CACNB2: variants seen among roughly 807,000 people sequenced by gnomAD.
The protein encoded by CACNB2 is calcium voltage-gated channel auxiliary subunit beta 2.
CACNB2 carries 42 observed loss-of-function variants against 73.3 expected under a neutral mutation model. That is an observed-to-expected ratio of 0.57 (90% CI 0.45 to 0.74). CACNB2 has a LOEUF of 0.74. CACNB2 is among the 30% of genes least tolerant of loss of function. The pLI is 0.00. For synonymous variants in CACNB2, 348 were observed against 310.3 expected, an observed-to-expected ratio of 1.12 and a Z score of -1.28; for missense variants, 940 against 853.0, an observed-to-expected ratio of 1.10 and a Z score of -1.27.
rs554291392 is a variant in CACNB2, at chr10:18,317,513, G to T, written c.214-84411G>T. Among the ~76,000 whole-genome samples the T allele has an allele frequency of 2.0e-5, 3 of 152,228 alleles. No individual in the cohort carries two copies. In the South Asian group the frequency reaches 6.2e-4, roughly 32 times the overall value. On this transcript the variant is annotated intron_variant, in intron 2 of 13. Transcript: ENST00000324631. ...TGATTTTCTGTTACTGTATTAATTTGCCTAGGTTCTTGGCCTCTAGCTGCA... is the reference window on the plus strand; with the variant it reads ...TGATTTTCTGTTACTGTATTAATTTTCCTAGGTTCTTGGCCTCTAGCTGCA...
intron 2 of CACNB2, among the ~76,000 whole-genome samples, chr10:18,344,388 T>A (rs78138947): frequency 2.8e-4 from 41 of 148,426 alleles, no homozygotes; most frequent in East Asian, 1.4e-3. Context: ...TTTTTTTTTT[T>A]AAACAGAGTC....
intron 4 of CACNB2, chr10:18,498,863 A>T: frequency 4.3e-6 from 1 of 231,558 alleles, no homozygotes; most frequent in Non-Finnish European, 8.6e-6. Flanking sequence ...AGAATTCATG[A>T]CTCTTCTCTC....
chr10:18,349,833 A>T (rs1483417577), intron 2 of CACNB2, among the ~76,000 whole-genome samples: 1 of 152,192 alleles, frequency 6.6e-6, no homozygotes, highest in Non-Finnish European at 1.5e-5. Context: ...CAAATGGTAA[A>T]TCCTATGTTA....
intron 2 of CACNB2, among the ~76,000 whole-genome samples, chr10:18,214,405 C>T (rs2035432329): frequency 1.3e-5 from 1 of 74,172 alleles, no homozygotes; most frequent in South Asian, 5.0e-4. Context: ...GCAGGAGTAT[C>T]ACTTGAGGTC....
chr10:18,376,985 T>A (rs966623387), intron 2 of CACNB2, among the ~76,000 whole-genome samples: 4 of 152,212 alleles, frequency 2.6e-5, no homozygotes, highest in Non-Finnish European at 4.4e-5. Flanking sequence ...TTGTAAATTT[T>A]AAAATAACTA....
Position 18,500,761 on chromosome 10 carries a change from G to C in CACNB2, c.457-51G>C, listed in dbSNP as rs193011563. 3 of 1,577,510 alleles carry C rather than the reference G, an allele frequency of 1.9e-6. No individual in the cohort carries two copies. In the Admixed American group the frequency reaches 5.0e-5, roughly 26 times the overall value. On this transcript the variant is annotated intron_variant, in intron 4 of 13. Transcript: ENST00000324631. Reference sequence around the variant, plus strand: ...GACTGAAAATAGTGTGGAAGAACAAGGATTTGACCTTCTGTGCACTGATTT... The same window carrying C: ...GACTGAAAATAGTGTGGAAGAACAACGATTTGACCTTCTGTGCACTGATTT...
At chr10:18,522,117 G>A (rs1217278575) in intron 9 of CACNB2, among the ~76,000 whole-genome samples, 1 of 152,044 alleles carries the variant, frequency 6.6e-6, no homozygotes, top group Non-Finnish European at 1.5e-5. Context: ...GAGGGATCTA[G>A]GTTACATGCT....
intron 3 of CACNB2, among the ~76,000 whole-genome samples, chr10:18,472,250 T>C (rs1452714284): frequency 5.2e-5 from 5 of 96,588 alleles, no homozygotes; most frequent in Admixed American, 1.1e-4. Context: ...TTTTTTTTTT[T>C]TTTTGACATG....
At chr10:18,509,427 C>T (rs2050651736) in intron 6 of CACNB2, among the ~76,000 whole-genome samples, 1 of 152,148 alleles carries the variant, frequency 6.6e-6, no homozygotes, top group Admixed American at 6.5e-5. Context: ...TACATCGCAC[C>T]CACACACACG....
At chr10:18,538,781 T>C (rs942106701) in intron 13 of CACNB2, among the ~76,000 whole-genome samples, 4 of 152,170 alleles carry the variant, frequency 2.6e-5, no homozygotes, top group African/African-American at 7.2e-5. Context: ...TAATGAGTTA[T>C]TATATACAAA....
chr10:18,483,541 A>AG, intron 3 of CACNB2, among the ~76,000 whole-genome samples: 1 of 151,900 alleles, frequency 6.6e-6, no homozygotes, highest in East Asian at 1.9e-4. Context: ...CAAAAAAAAA[A>AG]AAAAAGAAAA....
chr10:18,143,950 A>G (rs1032056485), intron 1 of CACNB2, among the ~76,000 whole-genome samples: 1 of 152,230 alleles, frequency 6.6e-6, no homozygotes, highest in African/African-American at 2.4e-5. Context: ...CCTTTTCTGT[A>G]TCAATCATTC....
At chr10:18,524,256 C>A (rs2133205251) in intron 9 of CACNB2, among the ~76,000 whole-genome samples, 1 of 150,520 alleles carries the variant, frequency 6.6e-6, no homozygotes, top group South Asian at 2.1e-4. Flanking sequence ...CAGTGACTTT[C>A]AAAACGTCAG....
intron 3 of CACNB2, among the ~76,000 whole-genome samples, chr10:18,471,074 G>A (rs1428511862): frequency 6.6e-6 from 1 of 152,196 alleles, no homozygotes; most frequent in Non-Finnish European, 1.5e-5. Context: ...GGAGGCCAAG[G>A]TGGGTGGATC....
chr10:18,222,895 C>A (rs1035063466), intron 2 of CACNB2, among the ~76,000 whole-genome samples: 15 of 152,152 alleles, frequency 9.9e-5, no homozygotes, highest in African/African-American at 3.4e-4. Context: ...TGAGATTGCG[C>A]CATTGCACTC....
intron 13 of CACNB2, 172 bp from the exon 14 acceptor site, chr10:18,539,058 G>GTA (rs2053888491): frequency 1.3e-6 from 1 of 785,310 alleles, no homozygotes; most frequent in Non-Finnish European, 2.2e-6. Context: ...ATATAGTATA[G>GTA]TATAAAGCCT....
intron 3 of CACNB2, among the ~76,000 whole-genome samples, chr10:18,406,254 C>T (rs769237870): frequency 3.9e-5 from 6 of 152,126 alleles, no homozygotes; most frequent in Non-Finnish European, 8.8e-5. Context: ...TCTGTGAGCA[C>T]CCAGGTTTAG....
At chr10:18,532,144 C>T (rs1475661818) in intron 10 of CACNB2, among the ~76,000 whole-genome samples, 1 of 152,116 alleles carries the variant, frequency 6.6e-6, no homozygotes, top group Non-Finnish European at 1.5e-5. Flanking sequence ...CAGAATTTGT[C>T]ATCGATTCTT....
chr10:18,336,771 G>A (rs968599800), intron 2 of CACNB2, among the ~76,000 whole-genome samples: 3 of 152,168 alleles, frequency 2.0e-5, no homozygotes, highest in Non-Finnish European at 4.4e-5. Context: ...TCCTCACAGA[G>A]ATAAAAAATA....
Sources: allele counts gnomAD v4.1 joint callset (sites outside exome capture counted in the v4.1 genomes callset), GRCh38; gene constraint gnomAD v4.1.1; transcripts MANE v1.5; gene names NCBI Gene and HGNC (gene_info 2026-07-23, HGNC 2026-07-21).